The following SHQ1 variants were observed in gnomAD, a reference collection of about 807,000 sequenced individuals.
The protein encoded by SHQ1 is SHQ1, H/ACA ribonucleoprotein assembly factor, also known as protein SHQ1 homolog.
Under a neutral mutation model 53.8 loss-of-function variants are expected in SHQ1, and 49 were observed. The observed-to-expected ratio is 0.91, with a 90% CI of 0.72 to 1.16. The LOEUF (loss-of-function observed/expected upper bound fraction) is 1.16. SHQ1 is among the 50% of genes most tolerant of loss of function. The probability of loss-of-function intolerance (pLI) is 0.00; values close to 1 mark genes in which losing one functional copy is unlikely to be tolerated. For missense variants in SHQ1, 738 were observed against 683.1 expected (o/e 1.08, Z -0.90); for synonymous variants, 243 against 251.0 (o/e 0.97, Z 0.30).
At chr3:72,834,765 G>C (rs149262075) in intron 4 of SHQ1, among the ~76,000 whole-genome samples, 10 of 152,152 alleles carry the variant, frequency 6.6e-5, no homozygotes, top group East Asian at 5.8e-4. Context: ...AAAAAGTTCT[G>C]GATCTACATC....
intron 10 of SHQ1, among the ~76,000 whole-genome samples, chr3:72,751,508 G>GTGTGTGTATATATATATA (rs1210782182): frequency 3.4e-5 from 4 of 116,982 alleles, no homozygotes; most frequent in African/African-American, 1.8e-4. Context: ...GTGTGTGTGT[G>GTGTGTGTATATATATATA]TATATATATA....
At chr3:72,762,706 GCT>G (rs1326800146) in intron 10 of SHQ1, among the ~76,000 whole-genome samples, 2 of 151,880 alleles carry the variant, frequency 1.3e-5, no homozygotes, top group Non-Finnish European at 2.9e-5. Context: ...ACAGAGTCTC[GCT>G]CTGTCACCCA....
chr3:72,752,346 G>A (rs1705403249), intron 10 of SHQ1, among the ~76,000 whole-genome samples: 1 of 152,124 alleles, frequency 6.6e-6, no homozygotes, highest in African/African-American at 2.4e-5. Flanking sequence ...GAGATAAGGT[G>A]GGAACTGGAA....
downstream of SHQ1, among the ~76,000 whole-genome samples, chr3:72,745,912 G>A (rs143655093): frequency 4.7e-3 from 703 of 150,798 alleles, 39 homozygotes; most frequent in East Asian, 0.11. Flanking sequence ...GCACAATCTC[G>A]GCTCACTGCA....
intron 10 of SHQ1, among the ~76,000 whole-genome samples, chr3:72,770,137 T>C (rs1705814902): frequency 6.6e-6 from 1 of 152,246 alleles, no homozygotes; most frequent in Admixed American, 6.5e-5. Context: ...AGTGCATCAA[T>C]GGAGCTTTGT....
intron 8 of SHQ1, among the ~76,000 whole-genome samples, chr3:72,813,717 C>T (rs1217805807): frequency 1.4e-5 from 2 of 145,208 alleles, no homozygotes; most frequent in Non-Finnish European, 3.0e-5. Flanking sequence ...GCCAAGATCG[C>T]GCCACTGCAC....
intron 6 of SHQ1, among the ~76,000 whole-genome samples, chr3:72,822,264 GC>G (rs1297773938): frequency 6.6e-6 from 1 of 152,190 alleles, no homozygotes; most frequent in African/African-American, 2.4e-5. Flanking sequence ...ACATGTCCTT[GC>G]TATTTTTAAA....
chr3:72,846,381 G>C (rs942831692), intron 1 of SHQ1: 3 of 1,380,952 alleles, frequency 2.2e-6, no homozygotes, highest in Non-Finnish European at 2.9e-6. Flanking sequence ...TGCAACCTTC[G>C]CCCCCCAGGT....
At chr3:72,742,215 C>A in the SHQ1 span, among the ~76,000 whole-genome samples, 224 of 90,392 alleles carry the variant, frequency 2.5e-3, 3 homozygotes, top group African/African-American at 5.7e-3. Flanking sequence ...AAAAAAAAAA[C>A]GTAAAAAATA....
At chr3:72,742,813 G>A in the SHQ1 span, among the ~76,000 whole-genome samples, 2 of 152,022 alleles carry the variant, frequency 1.3e-5, no homozygotes, top group Non-Finnish European at 2.9e-5. Flanking sequence ...TTTTAGTAGA[G>A]ATGGGGTTTT....
In SHQ1 at chr3:72,832,423, C is replaced by T. The variant is rs774166433; in HGVS notation, c.545G>A (p.Arg182Gln). 9.9e-6 allele frequency: 16 copies of T among 1,612,856 alleles called. 1 individual carries two copies. Among genetic ancestry groups the T allele is most frequent in the South Asian group, 4.4e-5 (4 of 91,006 alleles). The change falls in exon 5 of 11, where the codon CGA becomes CAA. Residue 182 changes from arginine (R) to glutamine (Q), a missense_variant. Arg to Gln is a conservative substitution (Grantham distance 43). Transcript: ENST00000325599. ...KDPDFTPAAERRQKRLAAELA... is the reference protein window; with the variant it reads ...KDPDFTPAAEQRQKRLAAELA... ...CTCAGCGGCCAGGCGCTTCTGTCTT[C>T]GTTCAGCTGCAGGGGTGAAATCTGG...
the SHQ1 span, among the ~76,000 whole-genome samples, chr3:72,727,995 C>T: frequency 6.6e-6 from 1 of 152,148 alleles, no homozygotes. Context: ...GCAGCCATCA[C>T]CAAAGATGGG....
At chr3:72,733,213 G>A in the SHQ1 span, among the ~76,000 whole-genome samples, 2 of 151,684 alleles carry the variant, frequency 1.3e-5, no homozygotes, top group South Asian at 4.2e-4. Flanking sequence ...AGCTCCCAGG[G>A]CACTGTTGAC....
At chr3:72,807,355 G>C (rs913488205) in intron 9 of SHQ1, among the ~76,000 whole-genome samples, 1 of 152,148 alleles carries the variant, frequency 6.6e-6, no homozygotes, top group Non-Finnish European at 1.5e-5. Context: ...TCAGGATCCA[G>C]CTCAGCAGCC....
At chr3:72,772,516 T>C in intron 10 of SHQ1, 2 of 611,680 alleles carry the variant, frequency 3.3e-6, no homozygotes, top group Admixed American at 2.1e-5. Context: ...GACAGTGATA[T>C]GACAAGTCGT....
chr3:72,840,478 C>T (rs559335521), intron 4 of SHQ1, among the ~76,000 whole-genome samples: 1 of 151,610 alleles, frequency 6.6e-6, no homozygotes, highest in Admixed American at 6.6e-5. Context: ...ATTGCTTGAA[C>T]CCTAGAGGCA....
intron 6 of SHQ1, among the ~76,000 whole-genome samples, chr3:72,820,585 C>T (rs1032871842): frequency 2.6e-5 from 4 of 152,134 alleles, no homozygotes; most frequent in Non-Finnish European, 4.4e-5. Context: ...GAAGTTTGCA[C>T]ACAATCAAGT....
Position 72,750,498 on chromosome 3 carries a change from C to T in SHQ1, c.1520G>A (p.Gly507Asp), listed in dbSNP as rs142643189. 3.2e-5 allele frequency: 51 copies of T among 1,614,184 alleles called. No homozygotes were observed. The highest frequency in any genetic ancestry group is 3.3e-4 in the Middle Eastern group (2 of 6,062). ...EESSAFLIVDGGVRRNTAIQE... is the reference protein window; with the variant it reads ...EESSAFLIVDDGVRRNTAIQE... ...GATGGCTGTGTTTCTGCGTACTCCACCATCAACAATAAGAAAGGCACTGCT... is the reference window on the plus strand; with the variant it reads ...GATGGCTGTGTTTCTGCGTACTCCATCATCAACAATAAGAAAGGCACTGCT... Residue 507 changes from glycine to aspartate, a missense_variant, in exon 11 of 11, where the codon GGT becomes GAT. By Grantham distance (94) the Gly-to-Asp change is moderately conservative (BLOSUM62 -1). Coordinates refer to ENST00000325599, the MANE Select transcript of SHQ1 (RefSeq NM_018130.3).
At chr3:72,841,378 T>C (rs1409487116) in intron 3 of SHQ1, among the ~76,000 whole-genome samples, 179 bp from the exon 4 acceptor site, 1 of 149,078 alleles carries the variant, frequency 6.7e-6, no homozygotes, top group East Asian at 1.9e-4. Context: ...ACCAAAAATG[T>C]GGTATGTTCA....
Sources: allele counts gnomAD v4.1 joint callset (sites outside exome capture counted in the v4.1 genomes callset), GRCh38; gene constraint gnomAD v4.1.1; transcripts MANE v1.5; gene names NCBI Gene and HGNC (gene_info 2026-07-23, HGNC 2026-07-21).